The following URI1 variants were observed in gnomAD, a reference collection of about 807,000 sequenced individuals.
URI1 encodes unconventional prefoldin RPB5 interactor 1.
Under a neutral mutation model 60.2 loss-of-function variants are expected in URI1, and 39 were observed. That is an observed-to-expected ratio of 0.65 (90% CI 0.50 to 0.85). The LOEUF is 0.85. Among genes scored for constraint, URI1 ranks in the 40% least tolerant of loss-of-function variants. The pLI, the probability that URI1 is intolerant of heterozygous loss-of-function variation, is 0.00. For synonymous variants in URI1, 251 were observed against 236.8 expected (o/e 1.06, Z -0.55); for missense variants, 691 against 665.9 (o/e 1.04, Z -0.42).
Position 29,985,301 on chromosome 19 carries a change from G to A in URI1, c.231G>A (p.Met77Ile). Residue 77 changes from methionine to isoleucine, a missense_variant and splice_region_variant, in exon 3 of 11, where the codon ATG becomes ATA. Coordinates refer to ENST00000392271, the MANE Select transcript of URI1 (RefSeq NM_003796.3). ...CTGATAAATTGTCTTATAATATAAT[G>A]GTATGTTTGGTGTGTTTCTTTTAAA... ...TLPDKLSYNI[M>I]VPFGPFAFMP... 1 of 1,607,626 alleles carries A rather than the reference G, an allele frequency of 6.2e-7. No individual in the cohort carries two copies. Among genetic ancestry groups the A allele is most frequent in the Non-Finnish European group, 8.5e-7 (1 of 1,175,216 alleles).
chr19:29,999,668 A>G (rs2055854052), intron 4 of URI1, among the ~76,000 whole-genome samples: 1 of 151,934 alleles, frequency 6.6e-6, no homozygotes, highest in Non-Finnish European at 1.5e-5. Context: ...GGTTTATCCT[A>G]CTTGGATTTC....
intron 1 of URI1, among the ~76,000 whole-genome samples, chr19:29,964,464 G>GTTTTTTT (rs373357906): frequency 8.0e-6 from 1 of 124,646 alleles, no homozygotes; most frequent in Non-Finnish European, 1.7e-5. Flanking sequence ...TTTTTGTTTT[G>GTTTTTTT]TTTTTTTTTT....
At chr19:29,973,948 CCA>C (rs1357879563) in intron 2 of URI1, among the ~76,000 whole-genome samples, 1 of 152,032 alleles carries the variant, frequency 6.6e-6, no homozygotes, top group African/African-American at 2.4e-5. Context: ...ATTATGAAAT[CCA>C]CACACTGTTA....
chr19:29,953,267 TG>T (rs2055201944), intron 1 of URI1, among the ~76,000 whole-genome samples: 1 of 152,204 alleles, frequency 6.6e-6, no homozygotes, highest in Admixed American at 6.5e-5. Flanking sequence ...TTCAGTTTTT[TG>T]GTTACAATGG....
At chr19:29,945,149 A>T (rs562841255) in intron 1 of URI1, among the ~76,000 whole-genome samples, 1 of 152,266 alleles carries the variant, frequency 6.6e-6, no homozygotes, top group African/African-American at 2.4e-5. Context: ...GATTTGAATG[A>T]CTGTTCTCAG....
At chr19:29,961,868 A>G (rs1756292228) in intron 1 of URI1, among the ~76,000 whole-genome samples, 3 of 151,824 alleles carry the variant, frequency 2.0e-5, no homozygotes, top group African/African-American at 7.3e-5. Context: ...TGTGTTTAGT[A>G]GAGTTGGGGT....
chr19:30,012,269 G>A lies in URI1; in HGVS notation c.1179-16G>A. 6.2e-7 allele frequency: 1 copy of A among 1,603,684 alleles called. No homozygotes were observed. Among genetic ancestry groups the A allele is most frequent in the Admixed American group, 1.7e-5 (1 of 59,376 alleles). ...AGTTACGTATAGTGAATGCATATGTGTTTTGAATATCACAGAGCCTTTGTT... is the reference window on the plus strand; with the variant it reads ...AGTTACGTATAGTGAATGCATATGTATTTTGAATATCACAGAGCCTTTGTT... On this transcript the variant is annotated splice_polypyrimidine_tract_variant and intron_variant, in intron 9 of 10. Transcript: ENST00000392271.
At chr19:29,941,317 A>G (rs1409227679), upstream of URI1, among the ~76,000 whole-genome samples, 1 of 152,182 alleles carries the variant, frequency 6.6e-6, no homozygotes, top group East Asian at 1.9e-4. Flanking sequence ...GGAGTTCTAA[A>G]ATAATTGGAA....
rs367976670 is a variant in URI1 at position 29,986,435 on chromosome 19, A to G, written c.367+18A>G. 3.6e-5 allele frequency: 58 copies of G among 1,599,778 alleles called. No individual in the cohort carries two copies. In the African/African-American group the frequency reaches 7.3e-4, roughly 20 times the overall value. ...GAAAGAACGTAGGTACCCATTTTAA[A>G]TGATGTTTCTTTGTTGTATATGTAT... On this transcript the variant is annotated intron_variant, in intron 4 of 10. Transcript: ENST00000392271.
At chr19:29,978,427 A>AT (rs1379189298) in intron 2 of URI1, among the ~76,000 whole-genome samples, 1 of 152,044 alleles carries the variant, frequency 6.6e-6, no homozygotes, top group Non-Finnish European at 1.5e-5. Context: ...ACACCTCATG[A>AT]TTTTTTATCT....
Position 30,015,393 on chromosome 19 carries a change from A to G in URI1, c.*324A>G. 2 of 1,436,536 alleles carry G rather than the reference A, an allele frequency of 1.4e-6. No homozygotes were observed. Among genetic ancestry groups the G allele is most frequent in the Non-Finnish European group, 1.8e-6 (2 of 1,103,350 alleles). The allele number at this position is 1,436,536 out of a possible 1,614,324, so 89.0% of individuals were successfully genotyped here. ...TGTTTTTGTGTTTCAAACTAAATACAGGCAGTTTTGTGCCAGCTGTGATAT... is the reference window on the plus strand; with the variant it reads ...TGTTTTTGTGTTTCAAACTAAATACGGGCAGTTTTGTGCCAGCTGTGATAT... On this transcript the variant is annotated 3_prime_UTR_variant, in exon 11 of 11. Transcript: ENST00000392271.
At chr19:29,924,332 C>T (rs769456963) in intron 1 of URI1, among the ~76,000 whole-genome samples, 5 of 152,288 alleles carry the variant, frequency 3.3e-5, no homozygotes, top group East Asian at 1.9e-4. Flanking sequence ...TGGGTGCTTG[C>T]GGACTCACCT....
In URI1 at chr19:29,961,180, A is replaced by G. The variant is rs1043914581; in HGVS notation, c.118-10013A>G. ...CAGCCCATTTTAATCATTTTTAAGT[A>G]TACAGTTCAGTGGCATTGGGTATAT... On this transcript the variant is annotated intron_variant, in intron 1 of 10. Coordinates refer to ENST00000392271, the MANE Select transcript of URI1 (RefSeq NM_003796.3). Among the ~76,000 whole-genome samples the G allele has an allele frequency of 3.3e-5, 5 of 151,486 alleles. No individual in the cohort carries two copies. The East Asian group carries it at 9.7e-4, about 29-fold the overall frequency.
At chr19:29,929,745 T>C (rs1176167242) in intron 1 of URI1, among the ~76,000 whole-genome samples, 1 of 152,200 alleles carries the variant, frequency 6.6e-6, no homozygotes, top group Admixed American at 6.5e-5. Context: ...CATTTGTATA[T>C]CTTCTTTGGA....
chr19:29,960,723 T>C (rs539550402), intron 1 of URI1, among the ~76,000 whole-genome samples: 2 of 152,312 alleles, frequency 1.3e-5, no homozygotes, highest in East Asian at 3.9e-4. Flanking sequence ...TTTCCTTTTA[T>C]TTAGAGTATT....
chr19:29,952,448 A>G (rs1292661943), intron 1 of URI1, among the ~76,000 whole-genome samples: 1 of 152,176 alleles, frequency 6.6e-6, no homozygotes, highest in African/African-American at 2.4e-5. Flanking sequence ...CCTTATTCTA[A>G]TCAGTCAACT....
At chr19:29,981,502 TAAAAC>T (rs559388759) in intron 2 of URI1, among the ~76,000 whole-genome samples, 103 of 152,106 alleles carry the variant, frequency 6.8e-4, no homozygotes, top group Non-Finnish European at 1.1e-3. Flanking sequence ...TTAATTTCCT[TAAAAC>T]AAAAGGTACT....
chr19:30,000,681 G>A (rs984567579), intron 4 of URI1, among the ~76,000 whole-genome samples: 4 of 151,872 alleles, frequency 2.6e-5, no homozygotes, highest in Non-Finnish European at 5.9e-5. Context: ...TGTTTTTAAA[G>A]CTTTGAGATT....
chr19:30,000,212 C>T (rs1028805690), intron 4 of URI1, among the ~76,000 whole-genome samples: 2 of 151,802 alleles, frequency 1.3e-5, no homozygotes, highest in African/African-American at 4.8e-5. Flanking sequence ...TTCTATGTGT[C>T]TGTCATTAAT....
Sources: allele counts gnomAD v4.1 joint callset (sites outside exome capture counted in the v4.1 genomes callset), GRCh38; gene constraint gnomAD v4.1.1; transcripts MANE v1.5; gene names NCBI Gene and HGNC (gene_info 2026-07-23, HGNC 2026-07-21).